The following MUSK variants were observed in gnomAD, a reference collection of about 807,000 sequenced individuals.
MUSK encodes the protein muscle, skeletal receptor tyrosine-protein kinase.
MUSK carries 55 observed loss-of-function variants against 88.7 expected under a neutral mutation model. The observed-to-expected ratio is 0.62, with a 90% CI of 0.50 to 0.78. MUSK has a LOEUF of 0.78. Ranked by LOEUF, MUSK falls within the 30% of genes least tolerant of loss-of-function variation. The pLI is 0.00. For synonymous variants in MUSK, 387 were observed against 391.9 expected, an observed-to-expected ratio of 0.99 and a Z score of 0.15; for missense variants, 1,015 against 1,074.3, an observed-to-expected ratio of 0.94 and a Z score of 0.77.
At chr9:110,790,384 G>T (rs1167731296) in intron 14 of MUSK, among the ~76,000 whole-genome samples, 1 of 152,184 alleles carries the variant, frequency 6.6e-6, no homozygotes, top group East Asian at 1.9e-4. Flanking sequence ...GCTGAAGGGG[G>T]CAGAAAGAAG....
At position 110,682,708 on chromosome 9, in the gene MUSK, T is replaced by A. The variant is rs775587809; in HGVS notation, c.114T>A (p.Asp38Glu). 15 of 1,612,810 alleles carry A rather than the reference T, an allele frequency of 9.3e-6. No individual in the cohort carries two copies. Among genetic ancestry groups the A allele is most frequent in the Non-Finnish European group, 1.2e-5 (14 of 1,178,970 alleles). The part of the protein sequence containing the change: ...PVITTPLETV[D>E]ALVEEVATFM... ...TCACCACTCCTCTTGAAACAGTGGA[T>A]GCCTTAGTTGAAGAAGTGGCTACTT... The change falls in exon 2 of 15, where the codon GAT (aspartate) becomes GAA (glutamate). Residue 38 changes from aspartate to glutamate, a missense_variant. Coordinates refer to ENST00000374448, the MANE Select transcript of MUSK (RefSeq NM_005592.4).
chr9:110,762,846 G>A (rs79303192), intron 8 of MUSK, among the ~76,000 whole-genome samples: 326 of 152,184 alleles, frequency 2.1e-3, no homozygotes, highest in Middle Eastern at 0.01. Flanking sequence ...TTAAAAACAG[G>A]CAGCAGGATA....
chr9:110,780,594 A>C (rs2077735604), intron 11 of MUSK, among the ~76,000 whole-genome samples: 1 of 152,118 alleles, frequency 6.6e-6, no homozygotes, highest in Admixed American at 6.5e-5. Context: ...GTTTTCTTTT[A>C]TTTGGGTAGT....
rs376856980 is a variant in MUSK at position 110,775,764 on chromosome 9, T to G, written c.1185-24T>G. 17 of 1,611,062 alleles carry G rather than the reference T, an allele frequency of 1.1e-5. No individual in the cohort carries two copies. The South Asian group carries it at 1.9e-4, about 18-fold the overall frequency. ...TTTAACATGTAATGATTCATCAAGT[T>G]TTGTTCTCCATATACTATTTTAGAG... On this transcript the variant is annotated intron_variant, in intron 9 of 14. Coordinates refer to ENST00000374448, the MANE Select transcript of MUSK (RefSeq NM_005592.4).
chr9:110,790,033 G>A, intron 14 of MUSK, among the ~76,000 whole-genome samples: 1 of 152,192 alleles, frequency 6.6e-6, no homozygotes, highest in East Asian at 1.9e-4. Flanking sequence ...AGTATTTAGT[G>A]TGAGAAAGAG....
At chr9:110,751,071 C>T (rs994856489) in intron 7 of MUSK, among the ~76,000 whole-genome samples, 1 of 152,082 alleles carries the variant, frequency 6.6e-6, no homozygotes, top group African/African-American at 2.4e-5. Flanking sequence ...GTGCTATAAC[C>T]ACTGAGGGGA....
At chr9:110,714,969 A>G (rs984349374) in intron 5 of MUSK, among the ~76,000 whole-genome samples, 1 of 151,008 alleles carries the variant, frequency 6.6e-6, no homozygotes, top group Non-Finnish European at 1.5e-5. Flanking sequence ...CTCTCTACAG[A>G]GTGATTTCTC....
chr9:110,675,443 G>A (rs1017482012), intron 1 of MUSK, among the ~76,000 whole-genome samples: 18 of 108,352 alleles, frequency 1.7e-4, no homozygotes, highest in African/African-American at 6.9e-4. Flanking sequence ...GGATGGTCTC[G>A]ATCTCCTGAC....
intron 5 of MUSK, among the ~76,000 whole-genome samples, chr9:110,726,368 A>G (rs1268060875): frequency 6.6e-6 from 1 of 152,078 alleles, no homozygotes; most frequent in African/African-American, 2.4e-5. Context: ...AGTAGCAACA[A>G]TAACATCAAA....
intron 5 of MUSK, among the ~76,000 whole-genome samples, chr9:110,721,517 T>G (rs916210129): frequency 2.0e-5 from 3 of 151,982 alleles, no homozygotes; most frequent in Admixed American, 1.3e-4. Context: ...ATAAAATACT[T>G]AAGAATATAT....
At chr9:110,746,052 A>G (rs1225351290) in intron 6 of MUSK, among the ~76,000 whole-genome samples, 1 of 152,146 alleles carries the variant, frequency 6.6e-6, no homozygotes, top group Non-Finnish European at 1.5e-5. Flanking sequence ...AAAATGTCTC[A>G]TTCTCAGCCT....
At chr9:110,756,082 GT>G (rs1471148958) in intron 7 of MUSK, among the ~76,000 whole-genome samples, 1 of 150,362 alleles carries the variant, frequency 6.7e-6, no homozygotes, top group Non-Finnish European at 1.5e-5. Context: ...GCTCAGAAAG[GT>G]GCCCAGTCTG....
At chr9:110,790,700 T>C (rs1027959957) in intron 14 of MUSK, among the ~76,000 whole-genome samples, 1 of 152,092 alleles carries the variant, frequency 6.6e-6, no homozygotes, top group Non-Finnish European at 1.5e-5. Context: ...AGTTGAAGAT[T>C]TGAGGAAAGA....
chr9:110,673,433 G>A (rs2075986649), intron 1 of MUSK, among the ~76,000 whole-genome samples: 2 of 152,116 alleles, frequency 1.3e-5, no homozygotes, highest in African/African-American at 2.4e-5. Context: ...AAAAGATAAT[G>A]AATAAAAAGT....
intron 11 of MUSK, among the ~76,000 whole-genome samples, chr9:110,782,192 G>C (rs1299037516): frequency 6.6e-6 from 1 of 152,098 alleles, no homozygotes; most frequent in Admixed American, 6.5e-5. Flanking sequence ...ATAAACTCCC[G>C]TAGTGTTCAG....
intron 7 of MUSK, among the ~76,000 whole-genome samples, chr9:110,750,162 C>T (rs757509240): frequency 6.6e-6 from 1 of 152,186 alleles, no homozygotes; most frequent in Non-Finnish European, 1.5e-5. Context: ...TTAACCTGCA[C>T]TTTCACTGGC....
chr9:110,735,248 A>G (rs559233810), intron 6 of MUSK, among the ~76,000 whole-genome samples: 1 of 152,274 alleles, frequency 6.6e-6, no homozygotes, highest in South Asian at 2.1e-4. Flanking sequence ...TCTAAGAGGT[A>G]TCTGCACTCC....
At chr9:110,676,158 G>A (rs1257884007) in intron 1 of MUSK, among the ~76,000 whole-genome samples, 3 of 151,586 alleles carry the variant, frequency 2.0e-5, no homozygotes, top group Non-Finnish European at 4.4e-5. Context: ...AAAGCAATAT[G>A]TATTCATTTT....
Position 110,681,100 on chromosome 9 carries a change from A to T in MUSK, c.80-1574A>T, listed in dbSNP as rs13300100. Among the ~76,000 whole-genome samples, 7 of 19,206 alleles carry T rather than the reference A, an allele frequency of 3.6e-4. 1 individual carries two copies. Among genetic ancestry groups the T allele is most frequent in the Non-Finnish European group, 5.0e-4 (6 of 11,940 alleles). 12.6% of individuals were successfully genotyped at this position (19,206 alleles called of 152,430 possible). On this transcript the variant is annotated intron_variant, in intron 1 of 14. Coordinates refer to ENST00000374448, the MANE Select transcript of MUSK (RefSeq NM_005592.4). ...ATATATTATATAATATATATTATAT[A>T]ATATATATTATATATAATATATATT... is the stretch of plus-strand genomic sequence containing the variant.
Sources: gnomAD v4.1 joint callset for allele counts (sites outside exome capture counted in the v4.1 genomes callset) on GRCh38, gnomAD v4.1.1 for gene constraint, MANE v1.5 for transcripts, NCBI Gene and HGNC (gene_info 2026-07-23, HGNC 2026-07-21) for gene names.